FAT3: variants seen among roughly 807,000 people sequenced by gnomAD.
FAT3 encodes protocadherin Fat 3.
In FAT3, 95 loss-of-function variants were observed where a neutral mutation model predicts 310.2. The observed-to-expected ratio is 0.31, with a 90% CI of 0.26 to 0.36. The LOEUF (loss-of-function observed/expected upper bound fraction) is 0.36. Ranked by LOEUF, FAT3 falls within the 10% of genes least tolerant of loss-of-function variation. The pLI is 1.00. For missense variants in FAT3, 5,408 were observed against 5,715.6 expected, an observed-to-expected ratio of 0.95 and a Z score of 1.74; for synonymous variants, 2,314 against 2,192.9, an observed-to-expected ratio of 1.06 and a Z score of -1.54.
At position 92,685,299 on chromosome 11, in the gene FAT3, T is replaced by C. The variant is rs544692578; in HGVS notation, c.3608-12085T>C. ...AATCTGCCATTTCCCTCCATTAACC[T>C]CAATTAACCAAACAGACTGCAGACT... On this transcript the variant is annotated intron_variant, in intron 3 of 27. Coordinates refer to ENST00000525166, the MANE Select transcript of FAT3 (RefSeq NM_001367949.2). Among the ~76,000 whole-genome samples, 3 of 152,254 alleles carry C rather than the reference T, an allele frequency of 2.0e-5. No homozygotes were observed. The East Asian group carries it at 5.8e-4, about 29-fold the overall frequency.
intron 4 of FAT3, among the ~76,000 whole-genome samples, chr11:92,708,996 A>G (rs765639308): frequency 6.6e-6 from 1 of 152,232 alleles, no homozygotes; most frequent in African/African-American, 2.4e-5. Flanking sequence ...TTTCTAAACC[A>G]GTATCCAATA....
intron 2 of FAT3, among the ~76,000 whole-genome samples, chr11:92,501,969 G>A (rs147370431): frequency 1.8e-3 from 269 of 151,670 alleles, no homozygotes; most frequent in Non-Finnish European, 2.9e-3. Context: ...AAAAATGCAC[G>A]CGCGCGTGTG....
intron 2 of FAT3, among the ~76,000 whole-genome samples, chr11:92,397,854 A>G (rs1172304861): frequency 1.3e-5 from 2 of 151,958 alleles, no homozygotes; most frequent in Non-Finnish European, 1.5e-5. Context: ...CTATTTTACA[A>G]ACTTTTTTTG....
At chr11:92,385,558 G>T (rs1424146170) in intron 2 of FAT3, among the ~76,000 whole-genome samples, 1 of 151,878 alleles carries the variant, frequency 6.6e-6, no homozygotes, top group African/African-American at 2.4e-5. Flanking sequence ...AGAAGAGATG[G>T]AGTTTTGCCA....
intron 2 of FAT3, among the ~76,000 whole-genome samples, chr11:92,442,111 A>ATAT (rs1453396603): frequency 4.6e-4 from 21 of 45,220 alleles, no homozygotes; most frequent in Admixed American, 1.8e-3. Context: ...ATATATATAT[A>ATAT]TTTTTTTTTT....
chr11:92,504,705 C>A (rs115516982), intron 2 of FAT3, among the ~76,000 whole-genome samples: 8 of 152,062 alleles, frequency 5.3e-5, no homozygotes, highest in African/African-American at 1.9e-4. Flanking sequence ...TCTGGCAGGA[C>A]GTTCTTGTGA....
intron 2 of FAT3, among the ~76,000 whole-genome samples, chr11:92,379,081 C>T (rs1364082057): frequency 3.3e-5 from 5 of 152,084 alleles, no homozygotes; most frequent in Non-Finnish European, 7.4e-5. Flanking sequence ...CATCATACCC[C>T]CTGCCACTCC....
chr11:92,867,864 A>G (rs895098647), intron 22 of FAT3, among the ~76,000 whole-genome samples: 4 of 152,276 alleles, frequency 2.6e-5, no homozygotes, highest in African/African-American at 9.6e-5. Flanking sequence ...CTTTACTCTA[A>G]TATTTTTTTC....
At chr11:92,341,221 G>A (rs1948253148) in intron 1 of FAT3, among the ~76,000 whole-genome samples, 1 of 152,202 alleles carries the variant, frequency 6.6e-6, no homozygotes, top group South Asian at 2.1e-4. Flanking sequence ...AAGAAAATAT[G>A]TTTTCTTAAG....
At chr11:92,569,461 G>C (rs926581568) in intron 3 of FAT3, among the ~76,000 whole-genome samples, 6 of 152,124 alleles carry the variant, frequency 3.9e-5, no homozygotes, top group African/African-American at 1.4e-4. Flanking sequence ...AGCCTGATGA[G>C]GGGGACAGAG....
chr11:92,239,522 A>G (rs915487399), intron 1 of FAT3, among the ~76,000 whole-genome samples: 1 of 152,126 alleles, frequency 6.6e-6, no homozygotes, highest in Admixed American at 6.5e-5. Flanking sequence ...AAAGTTAACC[A>G]GTGCCCAATA....
chr11:92,699,808 G>A (rs1366184136), intron 4 of FAT3, among the ~76,000 whole-genome samples: 1 of 152,218 alleles, frequency 6.6e-6, no homozygotes, highest in Non-Finnish European at 1.5e-5. Flanking sequence ...ATCCAGTCCA[G>A]TGGTGCTAAG....
chr11:92,321,084 G>T (rs1007589111), intron 1 of FAT3, among the ~76,000 whole-genome samples: 1 of 152,080 alleles, frequency 6.6e-6, no homozygotes. Context: ...TTGATAAGGT[G>T]TTGGCATGAA....
intron 4 of FAT3, among the ~76,000 whole-genome samples, chr11:92,755,348 G>A (rs900807528): frequency 2.6e-5 from 4 of 151,934 alleles, no homozygotes; most frequent in Admixed American, 6.6e-5. Flanking sequence ...TCAGCCTCCC[G>A]AGTATCTGGG....
At chr11:92,666,517 A>ATTT (rs538189157) in intron 3 of FAT3, among the ~76,000 whole-genome samples, 1 of 132,472 alleles carries the variant, frequency 7.5e-6, no homozygotes, top group South Asian at 2.4e-4. Context: ...ACGCCCAGCT[A>ATTT]TTTTTTTTTT....
At chr11:92,293,239 A>G (rs78526281) in intron 1 of FAT3, among the ~76,000 whole-genome samples, 3,269 of 151,582 alleles carry the variant, frequency 0.022, 127 homozygotes, top group African/African-American at 0.074. Flanking sequence ...AGGGGAGGCC[A>G]TGGAGGGGGG....
At chr11:92,525,016 T>C in intron 3 of FAT3, 68 bp downstream of exon 3, 1 of 1,264,526 alleles carries the variant, frequency 7.9e-7, no homozygotes, top group Non-Finnish European at 1.1e-6. Flanking sequence ...AGCCTGACAC[T>C]TTCTGTACTC....
intron 1 of FAT3, among the ~76,000 whole-genome samples, chr11:92,232,267 A>T (rs1201163286): frequency 6.7e-6 from 1 of 149,164 alleles, no homozygotes; most frequent in African/African-American, 2.5e-5. Flanking sequence ...CTTTCCACTT[A>T]AAAAAAAAAC....
intron 2 of FAT3, among the ~76,000 whole-genome samples, chr11:92,489,885 T>C (rs963220320): frequency 6.8e-6 from 1 of 148,082 alleles, no homozygotes; most frequent in Non-Finnish European, 1.5e-5. Flanking sequence ...TTTTTTCTTT[T>C]TCTTTTTTTT....
Sources: gnomAD v4.1 joint callset for allele counts (sites outside exome capture counted in the v4.1 genomes callset) on GRCh38, gnomAD v4.1.1 for gene constraint, MANE v1.5 for transcripts, NCBI Gene and HGNC (gene_info 2026-07-23, HGNC 2026-07-21) for gene names.